The following ZNF385B variants were observed in gnomAD, a reference collection of about 807,000 sequenced individuals.
ZNF385B encodes the protein zinc finger protein 533.
In ZNF385B, 23 loss-of-function variants were observed where a neutral mutation model predicts 39.2. The ratio of observed to expected loss-of-function variants is 0.59; its 90% CI spans 0.42 to 0.83. The LOEUF is 0.83. ZNF385B is among the 40% of genes least tolerant of loss of function. The pLI is 0.00. For missense variants in ZNF385B, 552 were observed against 598.9 expected, an observed-to-expected ratio of 0.92 and a Z score of 0.82; for synonymous variants, 205 against 222.6, an observed-to-expected ratio of 0.92 and a Z score of 0.70.
chr2:179,806,285 CAGTT>C (rs1706343532), intron 1 of ZNF385B, among the ~76,000 whole-genome samples: 1 of 152,116 alleles, frequency 6.6e-6, no homozygotes, highest in African/African-American at 2.4e-5. Context: ...AAAAACCAAA[CAGTT>C]AATAATATAA....
chr2:179,448,753 C>A (rs2049774781), intron 6 of ZNF385B, among the ~76,000 whole-genome samples: 1 of 152,014 alleles, frequency 6.6e-6, no homozygotes, highest in Non-Finnish European at 1.5e-5. Context: ...TCTAACTGAT[C>A]AGTCTGTGGT....
Position 179,443,131 on chromosome 2 carries a change from G to T in ZNF385B, c.*119C>A, listed in dbSNP as rs2049109119. ...CTCTGGAATTGGGGGACTGGGTGGTGGGCTGCATTTTGTGGGTGAATGGGG... is the reference window on the plus strand; with the variant it reads ...CTCTGGAATTGGGGGACTGGGTGGTTGGCTGCATTTTGTGGGTGAATGGGG... On this transcript the variant is annotated 3_prime_UTR_variant, in exon 10 of 10. Transcript: ENST00000410066. 7.5e-6 allele frequency: 8 copies of T among 1,065,008 alleles called. No homozygotes were observed. In the East Asian group the frequency reaches 1.8e-4, roughly 24 times the overall value. 66.0% of individuals were successfully genotyped at this position (1,065,008 alleles called of 1,614,324 possible). A position where few individuals can be genotyped will look rare whatever the true frequency, so the allele number is the denominator to read the frequency against.
At chr2:179,828,565 C>T (rs989591470) in intron 1 of ZNF385B, among the ~76,000 whole-genome samples, 35 of 151,938 alleles carry the variant, frequency 2.3e-4, no homozygotes, top group Non-Finnish European at 7.4e-5. Context: ...CTAAGCAAAC[C>T]ATCATAATGT....
At chr2:179,713,438 T>G (rs888033160) in intron 3 of ZNF385B, among the ~76,000 whole-genome samples, 5 of 152,174 alleles carry the variant, frequency 3.3e-5, no homozygotes, top group African/African-American at 9.7e-5. Context: ...ACTAGTTAGC[T>G]CCTATTTAAT....
At chr2:179,662,003 T>C (rs1694535112) in intron 3 of ZNF385B, among the ~76,000 whole-genome samples, 1 of 152,238 alleles carries the variant, frequency 6.6e-6, no homozygotes, top group African/African-American at 2.4e-5. Flanking sequence ...AAAACCACTG[T>C]GATTTGGCTT....
At chr2:179,860,757 C>T (rs533278019) in intron 1 of ZNF385B, 4 of 452,404 alleles carry the variant, frequency 8.8e-6, no homozygotes, top group East Asian at 1.6e-4. Flanking sequence ...CTAAACATAG[C>T]GGGGCACTCT....
At chr2:179,529,844 A>G (rs536437989) in intron 4 of ZNF385B, among the ~76,000 whole-genome samples, 1 of 152,300 alleles carries the variant, frequency 6.6e-6, no homozygotes, top group Admixed American at 6.5e-5. Flanking sequence ...TATGAACAAA[A>G]CTGGTTATAG....
intron 3 of ZNF385B, among the ~76,000 whole-genome samples, chr2:179,731,059 G>A (rs1701356098): frequency 6.6e-6 from 1 of 152,138 alleles, no homozygotes; most frequent in South Asian, 2.1e-4. Flanking sequence ...TGACCAAAAT[G>A]CAACTATTTC....
chr2:179,558,518 GA>G (rs1188261560), intron 3 of ZNF385B, among the ~76,000 whole-genome samples: 1 of 152,006 alleles, frequency 6.6e-6, no homozygotes, highest in African/African-American at 2.4e-5. Context: ...CTTTGGCAGA[GA>G]AAAAAGGTTT....
intron 3 of ZNF385B, among the ~76,000 whole-genome samples, chr2:179,614,144 GC>G (rs1157659782): frequency 1.3e-5 from 2 of 152,214 alleles, no homozygotes; most frequent in African/African-American, 4.8e-5. Flanking sequence ...CCTCTTCAGT[GC>G]CTCTTTCAGT....
At chr2:179,789,397 T>A (rs1705193540) in intron 1 of ZNF385B, among the ~76,000 whole-genome samples, 1 of 152,172 alleles carries the variant, frequency 6.6e-6, no homozygotes, top group African/African-American at 2.4e-5. Flanking sequence ...CTCGGGTGAC[T>A]ATATCAGACT....
intron 1 of ZNF385B, among the ~76,000 whole-genome samples, chr2:179,780,828 G>C (rs1012492468): frequency 6.6e-6 from 1 of 152,094 alleles, no homozygotes; most frequent in African/African-American, 2.4e-5. Context: ...TATTCCCAAA[G>C]ACAACTGTTT....
intron 3 of ZNF385B, among the ~76,000 whole-genome samples, chr2:179,624,301 C>G (rs1265309600): frequency 6.6e-6 from 1 of 152,166 alleles, no homozygotes; most frequent in Non-Finnish European, 1.5e-5. Context: ...AACTCCCCAC[C>G]ATCACCCGCA....
intron 1 of ZNF385B, among the ~76,000 whole-genome samples, chr2:179,835,883 T>C (rs1440915486): frequency 6.6e-6 from 1 of 152,116 alleles, no homozygotes; most frequent in Non-Finnish European, 1.5e-5. Context: ...ATTATGATTA[T>C]TATTTTGTAG....
intron 3 of ZNF385B, among the ~76,000 whole-genome samples, chr2:179,733,766 G>A (rs1317892525): frequency 7.7e-6 from 1 of 129,896 alleles, no homozygotes; most frequent in African/African-American, 3.1e-5. Flanking sequence ...CTGAGTGACA[G>A]AGCGAGACTC....
At chr2:179,553,095 A>C (rs1256779752) in intron 3 of ZNF385B, among the ~76,000 whole-genome samples, 2 of 148,858 alleles carry the variant, frequency 1.3e-5, no homozygotes, top group African/African-American at 5.1e-5. Flanking sequence ...TGGTCACCAA[A>C]TTGTATAGGT....
intron 3 of ZNF385B, among the ~76,000 whole-genome samples, chr2:179,702,748 T>C (rs933247148): frequency 4.6e-5 from 7 of 152,170 alleles, no homozygotes; most frequent in Non-Finnish European, 1.0e-4. Flanking sequence ...ATAGTTAAGA[T>C]TGGTTAAGTA....
At chr2:179,751,484 A>C (rs1702673379) in intron 3 of ZNF385B, among the ~76,000 whole-genome samples, 1 of 152,208 alleles carries the variant, frequency 6.6e-6, no homozygotes, top group African/African-American at 2.4e-5. Context: ...TTAACATTTT[A>C]AATATGCATG....
intron 3 of ZNF385B, among the ~76,000 whole-genome samples, chr2:179,696,325 A>ATTTTTTTTTTTTT (rs1333224792): frequency 2.4e-3 from 24 of 9,832 alleles, no homozygotes; most frequent in Admixed American, 3.8e-3. Flanking sequence ...ACAAACTGGG[A>ATTTTTTTTTTTTT]CTTTTTTTTT....
Sources: gnomAD v4.1 joint callset for allele counts (sites outside exome capture counted in the v4.1 genomes callset) on GRCh38, gnomAD v4.1.1 for gene constraint, MANE v1.5 for transcripts, NCBI Gene and HGNC (gene_info 2026-07-23, HGNC 2026-07-21) for gene names.